DIS3L2: variants seen among roughly 807,000 people sequenced by gnomAD.
The protein encoded by DIS3L2 is DIS3-like exonuclease 2.
DIS3L2 carries 34 observed loss-of-function variants against 97.5 expected under a neutral mutation model. The observed-to-expected ratio is 0.35, with a 90% CI of 0.27 to 0.46. The LOEUF is 0.46. DIS3L2 is among the 20% of genes least tolerant of loss of function. The probability of loss-of-function intolerance (pLI) is 1.00; values close to 1 mark genes in which losing one functional copy is unlikely to be tolerated. For missense variants in DIS3L2, 1,038 were observed against 1,146.0 expected (o/e 0.91, Z 1.36); for synonymous variants, 435 against 445.2 (o/e 0.98, Z 0.29).
At chr2:232,330,603 G>A in intron 15 of DIS3L2, 87 bp from the exon 16 acceptor site, 2 of 1,392,090 alleles carry the variant, frequency 1.4e-6, no homozygotes, top group Non-Finnish European at 2.0e-6. Flanking sequence ...CCAGAGCCGG[G>A]CATGAGGTGC....
At chr2:231,979,856 G>T in intron 1 of DIS3L2, among the ~76,000 whole-genome samples, 1 of 152,122 alleles carries the variant, frequency 6.6e-6, no homozygotes, top group Admixed American at 6.5e-5. Flanking sequence ...GATTACAGTC[G>T]TGAGCCACTG....
intron 8 of DIS3L2, among the ~76,000 whole-genome samples, chr2:232,142,702 T>C (rs1690096983): frequency 6.6e-6 from 1 of 152,202 alleles, no homozygotes; most frequent in African/African-American, 2.4e-5. Flanking sequence ...AGTGCTACTT[T>C]CTGCTGTGTC....
intron 6 of DIS3L2, among the ~76,000 whole-genome samples, chr2:232,123,211 A>G (rs753788789): frequency 4.0e-5 from 6 of 151,858 alleles, no homozygotes; most frequent in Non-Finnish European, 8.8e-5. Context: ...TCTACTAACC[A>G]TCTCCTTGGA....
intron 1 of DIS3L2, among the ~76,000 whole-genome samples, chr2:231,989,961 T>C (rs1009804666): frequency 4.6e-5 from 7 of 152,206 alleles, no homozygotes; most frequent in Non-Finnish European, 1.0e-4. Flanking sequence ...TTTTCAGTGG[T>C]GCTGAAGTAC....
intron 9 of DIS3L2, among the ~76,000 whole-genome samples, chr2:232,190,171 A>C (rs1428778508): frequency 6.6e-6 from 1 of 152,128 alleles, no homozygotes; most frequent in Non-Finnish European, 1.5e-5. Context: ...TTTACAAAAA[A>C]TTAAAAATAA....
chr2:232,105,947 T>A (rs1212150503), intron 6 of DIS3L2, among the ~76,000 whole-genome samples: 1 of 152,224 alleles, frequency 6.6e-6, no homozygotes, highest in Non-Finnish European at 1.5e-5. Context: ...GTTTTAGCTT[T>A]ATACTAGGCT....
At chr2:232,040,172 A>G (rs1695069411) in intron 5 of DIS3L2, among the ~76,000 whole-genome samples, 1 of 152,196 alleles carries the variant, frequency 6.6e-6, no homozygotes, top group Non-Finnish European at 1.5e-5. Flanking sequence ...GGGAATAGAG[A>G]AAGAGAGAGG....
intron 20 of DIS3L2, chr2:232,336,151 A>G (rs1366574527): frequency 6.5e-7 from 1 of 1,534,626 alleles, no homozygotes; most frequent in Admixed American, 2.0e-5. Flanking sequence ...GGTCCTTTAG[A>G]GAACCTGATG....
At chr2:232,241,464 T>C (rs1693079416) in intron 11 of DIS3L2, among the ~76,000 whole-genome samples, 4 of 152,246 alleles carry the variant, frequency 2.6e-5, no homozygotes, top group African/African-American at 9.6e-5. Flanking sequence ...GATTAACCCA[T>C]GGAGTAGGAC....
chr2:232,127,743 C>T (rs111345985), intron 6 of DIS3L2, among the ~76,000 whole-genome samples: 2,589 of 152,290 alleles, frequency 0.017, 32 homozygotes, highest in Middle Eastern at 0.034. Context: ...GCCTCATGGT[C>T]TTTGTTCTGG....
At position 232,029,952 on chromosome 2, in the gene DIS3L2, ATTG is replaced by A. The variant is rs760669804; in HGVS notation, c.265-24_265-22del. ...TGCTTTATGTGTTTTTAAGCTCACT[ATTG>A]TTTTATTTCTTTTTCCAACCTAGGA... is the stretch of plus-strand genomic sequence containing the variant. On this transcript the variant is annotated intron_variant, in intron 4 of 20. Coordinates refer to ENST00000325385, the MANE Select transcript of DIS3L2 (RefSeq NM_152383.5). 5 of 1,539,970 alleles carry A rather than the reference ATTG, an allele frequency of 3.2e-6. No individual in the cohort carries two copies. In the East Asian group the frequency reaches 1.2e-4, roughly 36 times the overall value.
chr2:232,279,985 A>G (rs1271166601), intron 13 of DIS3L2, among the ~76,000 whole-genome samples: 1 of 152,102 alleles, frequency 6.6e-6, no homozygotes, highest in African/African-American at 2.4e-5. Flanking sequence ...GAAATTTTTC[A>G]TTGTTATGAA....
chr2:231,981,132 T>A (rs970469646), intron 1 of DIS3L2, among the ~76,000 whole-genome samples: 2 of 152,064 alleles, frequency 1.3e-5, no homozygotes, highest in Non-Finnish European at 2.9e-5. Flanking sequence ...TTATTAGAGA[T>A]GGGGTTTCTC....
intron 6 of DIS3L2, among the ~76,000 whole-genome samples, chr2:232,118,692 G>A (rs1697803717): frequency 6.6e-6 from 1 of 152,148 alleles, no homozygotes; most frequent in Non-Finnish European, 1.5e-5. Context: ...AGCATCCATT[G>A]TAAAACCTTC....
chr2:232,258,526 G>T (rs1217291250), intron 12 of DIS3L2, among the ~76,000 whole-genome samples: 3 of 148,490 alleles, frequency 2.0e-5, no homozygotes, highest in Non-Finnish European at 4.4e-5. Flanking sequence ...GGAGGTTGCA[G>T]TGAGCCCAGA....
intron 6 of DIS3L2, among the ~76,000 whole-genome samples, chr2:232,088,854 A>AG (rs1444443653): frequency 6.6e-6 from 1 of 152,222 alleles, no homozygotes; most frequent in African/African-American, 2.4e-5. Context: ...TCTACATAGA[A>AG]GGAGTATATT....
chr2:232,312,970 AT>A lies in DIS3L2; in HGVS notation c.1739+12859del, dbSNP rs1190494277. 3.3e-5 allele frequency among the ~76,000 whole-genome samples: 5 copies of A among 151,872 alleles called. No homozygotes were observed. In the South Asian group the frequency reaches 6.2e-4, roughly 19 times the overall value. On this transcript the variant is annotated intron_variant, in intron 14 of 20. Coordinates refer to ENST00000325385, the MANE Select transcript of DIS3L2 (RefSeq NM_152383.5). ...TTTATTAGGTTCAAATAATTTGTAG[AT>A]TTTTTTTCATAACAATATTTCAGTT...
At chr2:231,975,660 G>T (rs1379755385) in intron 1 of DIS3L2, among the ~76,000 whole-genome samples, 2 of 144,954 alleles carry the variant, frequency 1.4e-5, no homozygotes, top group Admixed American at 1.5e-4. Context: ...AGCTGAGATT[G>T]CGCCACTGCA....
intron 1 of DIS3L2, among the ~76,000 whole-genome samples, chr2:232,002,789 G>A (rs1191260568): frequency 2.6e-5 from 4 of 152,170 alleles, no homozygotes; most frequent in Non-Finnish European, 4.4e-5. Flanking sequence ...ACTGTAGGTA[G>A]CCAGTCTCAT....
Sources: gnomAD v4.1 joint callset for allele counts (sites outside exome capture counted in the v4.1 genomes callset) on GRCh38, gnomAD v4.1.1 for gene constraint, MANE v1.5 for transcripts, NCBI Gene and HGNC (gene_info 2026-07-23, HGNC 2026-07-21) for gene names.